KIAA1217: variants seen among roughly 807,000 people sequenced by gnomAD.
The protein encoded by KIAA1217 is sickle tail protein homolog.
A neutral mutation model predicts 163.9 loss-of-function variants in KIAA1217; 88 were observed. That is an observed-to-expected ratio of 0.54 (90% CI 0.45 to 0.64). KIAA1217 has a LOEUF of 0.64. Ranked by LOEUF, KIAA1217 falls within the 30% of genes least tolerant of loss-of-function variation. KIAA1217 has a pLI of 0.00. For missense variants in KIAA1217, 2,372 were observed against 2,475.0 expected (o/e 0.96, Z 0.88); for synonymous variants, 903 against 923.1 (o/e 0.98, Z 0.39).
At chr10:24,253,553 T>G (rs1007585934) in intron 2 of KIAA1217, among the ~76,000 whole-genome samples, 1 of 152,164 alleles carries the variant, frequency 6.6e-6, no homozygotes, top group Non-Finnish European at 1.5e-5. Flanking sequence ...ACATCTTCAG[T>G]GTCCACTTGG....
chr10:23,865,026 C>T (rs548258043), intron 1 of KIAA1217, among the ~76,000 whole-genome samples: 1 of 152,258 alleles, frequency 6.6e-6, no homozygotes, highest in East Asian at 1.9e-4. Flanking sequence ...AAAATACTTT[C>T]ACAGCAACAT....
intron 2 of KIAA1217, among the ~76,000 whole-genome samples, chr10:24,309,230 G>C (rs2042366641): frequency 6.6e-6 from 1 of 151,954 alleles, no homozygotes; most frequent in South Asian, 2.1e-4. Context: ...ATCCAGTTCT[G>C]AGGGTAAGGA....
intron 2 of KIAA1217, among the ~76,000 whole-genome samples, chr10:24,093,917 T>C (rs2062041365): frequency 6.6e-6 from 1 of 151,070 alleles, no homozygotes; most frequent in African/African-American, 2.5e-5. Context: ...TTTTTGTTCT[T>C]GCAATAGTTT....
intron 2 of KIAA1217, among the ~76,000 whole-genome samples, chr10:24,247,796 G>A (rs986859144): frequency 9.9e-5 from 15 of 152,146 alleles, no homozygotes; most frequent in African/African-American, 1.9e-4. Context: ...GTGAGGCTCC[G>A]TCTTAAAGGA....
At chr10:23,900,097 A>G (rs994289778) in intron 1 of KIAA1217, among the ~76,000 whole-genome samples, 5 of 150,968 alleles carry the variant, frequency 3.3e-5, no homozygotes, top group African/African-American at 1.2e-4. Context: ...ACCTCCCCTC[A>G]TGAGTTCAAG....
intron 2 of KIAA1217, among the ~76,000 whole-genome samples, chr10:24,228,614 T>C (rs955533359): frequency 2.0e-5 from 3 of 152,100 alleles, no homozygotes; most frequent in African/African-American, 7.2e-5. Flanking sequence ...ACAGAGCTGA[T>C]GGGTTGTATA....
At chr10:23,734,020 C>T (rs190112382) in intron 1 of KIAA1217, among the ~76,000 whole-genome samples, 17 of 152,054 alleles carry the variant, frequency 1.1e-4, no homozygotes, top group Admixed American at 8.5e-4. Flanking sequence ...ATGTTTTTAT[C>T]ATGTAACATT....
At chr10:24,041,682 A>G (rs1471291058) in intron 2 of KIAA1217, among the ~76,000 whole-genome samples, 2 of 152,174 alleles carry the variant, frequency 1.3e-5, no homozygotes, top group Non-Finnish European at 2.9e-5. Flanking sequence ...CCTGTTCTGT[A>G]AACAGCAGGA....
chr10:24,288,770 G>A lies in KIAA1217; in HGVS notation c.354+68861G>A, dbSNP rs181508528. ...CTGTGCAGAGTTTAATGAGCACAGC[G>A]TGTGTAGGGGACATGCTTGGACATG... On this transcript the variant is annotated intron_variant, in intron 2 of 20. Transcript: ENST00000376454. 4.6e-3 allele frequency among the ~76,000 whole-genome samples: 694 copies of A among 152,322 alleles called. 2 individuals are homozygous for A. The highest frequency in any genetic ancestry group is 9.3e-3 in the Admixed American group (142 of 15,294).
intron 1 of KIAA1217, among the ~76,000 whole-genome samples, chr10:23,958,434 A>G (rs1247798934): frequency 2.6e-5 from 4 of 152,218 alleles, no homozygotes; most frequent in Non-Finnish European, 5.9e-5. Flanking sequence ...ATAGGTGGGT[A>G]AGAATGATCC....
At position 23,918,733 on chromosome 10, in the gene KIAA1217, T is replaced by TATACAC. The variant is rs769797460; in HGVS notation, c.-320-88491_-320-88490insTACACA. 1.8e-3 allele frequency among the ~76,000 whole-genome samples: 265 copies of TATACAC among 147,582 alleles called. 1 individual carries two copies. Among genetic ancestry groups the TATACAC allele is most frequent in the African/African-American group, 6.0e-3 (239 of 40,030 alleles). On this transcript the variant is annotated intron_variant, in intron 1 of 18. Coordinates refer to the KIAA1217 transcript ENST00000376462. The stretch of plus-strand genomic sequence containing the variant: ...GTGTGATCTTTAAGAATTAAATATA[T>TATACAC]ACACACACACACACACACACACACA...
At chr10:24,295,210 A>C (rs2040447326) in intron 2 of KIAA1217, among the ~76,000 whole-genome samples, 1 of 152,212 alleles carries the variant, frequency 6.6e-6, no homozygotes. Context: ...TAATTATAGC[A>C]TCTCTTAGTT....
intron 2 of KIAA1217, among the ~76,000 whole-genome samples, chr10:24,099,118 C>G (rs1332071801): frequency 6.6e-6 from 1 of 151,954 alleles, no homozygotes; most frequent in East Asian, 1.9e-4. Flanking sequence ...TTCCCGGCTC[C>G]CAGGAAGAAG....
At chr10:23,977,561 G>T (rs1479092409) in intron 1 of KIAA1217, among the ~76,000 whole-genome samples, 2 of 152,076 alleles carry the variant, frequency 1.3e-5, no homozygotes, top group Non-Finnish European at 2.9e-5. Flanking sequence ...GAGACTAATG[G>T]ATACTTCCTA....
At chr10:24,295,740 C>T (rs1021807442) in intron 2 of KIAA1217, among the ~76,000 whole-genome samples, 2 of 152,118 alleles carry the variant, frequency 1.3e-5, no homozygotes, top group African/African-American at 4.8e-5. Context: ...TGCCGGGCAT[C>T]CTCTCCCTTC....
chr10:23,871,372 T>C (rs1840448736), intron 1 of KIAA1217, among the ~76,000 whole-genome samples: 1 of 152,224 alleles, frequency 6.6e-6, no homozygotes, highest in African/African-American at 2.4e-5. Context: ...ACAAACCACA[T>C]GTGCGGTTTG....
intron 1 of KIAA1217, among the ~76,000 whole-genome samples, chr10:23,714,669 C>A (rs1039842213): frequency 6.6e-6 from 1 of 152,072 alleles, no homozygotes; most frequent in Admixed American, 6.6e-5. Context: ...GTGACTGTTC[C>A]AAGAAGTCTT....
At chr10:23,957,861 A>G (rs1844638517) in intron 1 of KIAA1217, among the ~76,000 whole-genome samples, 1 of 152,202 alleles carries the variant, frequency 6.6e-6, no homozygotes, top group Non-Finnish European at 1.5e-5. Flanking sequence ...TTAGTTGCAT[A>G]ATTAATTTGC....
At chr10:24,527,817 A>G in intron 13 of KIAA1217, 119 bp from the exon 14 acceptor site, 1 of 697,686 alleles carries the variant, frequency 1.4e-6, no homozygotes, top group South Asian at 1.8e-5. Context: ...CCCAGTACCC[A>G]TTAGTTATTT....
Sources: gnomAD v4.1 joint callset for allele counts (sites outside exome capture counted in the v4.1 genomes callset) on GRCh38, gnomAD v4.1.1 for gene constraint, MANE v1.5 for transcripts, NCBI Gene and HGNC (gene_info 2026-07-23, HGNC 2026-07-21) for gene names.